Variants in PUDP observed in about 807,000 individuals in gnomAD.
PUDP encodes the protein pseudouridine 5'-phosphatase.
Under a neutral mutation model 9.4 loss-of-function variants are expected in PUDP, and 8 were observed. That is an observed-to-expected ratio of 0.85 (90% CI 0.50 to 1.53). PUDP has a LOEUF of 1.53. Among genes scored for constraint, PUDP ranks in the 40% most tolerant of loss-of-function variants. The probability of loss-of-function intolerance (pLI) is 0.00; values close to 1 mark genes in which losing one functional copy is unlikely to be tolerated. For synonymous variants in PUDP, 99 were observed against 80.7 expected, an observed-to-expected ratio of 1.23 and a Z score of -1.22; for missense variants, 188 against 189.7, an observed-to-expected ratio of 0.99 and a Z score of 0.05.
chrX:6,907,245 T>G (rs1256536908), intron 3 of PUDP, among the ~76,000 whole-genome samples: 1 of 111,443 alleles, frequency 9.0e-6, no homozygotes, highest in Non-Finnish European at 1.9e-5. Flanking sequence ...GCTGCCACCA[T>G]GTGAAGAAGG....
chrX:6,834,851 A>G (rs915803361), intron 3 of PUDP, among the ~76,000 whole-genome samples: 1 of 110,758 alleles, frequency 9.0e-6, no homozygotes, highest in Non-Finnish European at 1.9e-5. Context: ...CCCATTTGTA[A>G]TCAACATTAA....
intron 3 of PUDP, among the ~76,000 whole-genome samples, chrX:6,778,746 G>C (rs1484280229): frequency 8.9e-6 from 1 of 112,249 alleles, no homozygotes; most frequent in African/African-American, 3.2e-5. Flanking sequence ...GATAGAGAGA[G>C]AAAGACCATT....
At chrX:6,740,053 C>T (rs1479858842) in intron 3 of PUDP, among the ~76,000 whole-genome samples, 2 of 111,436 alleles carry the variant, frequency 1.8e-5, no homozygotes, top group East Asian at 5.6e-4. Context: ...TTTTACTATT[C>T]CCTATTCCTT....
In PUDP at chrX:6,741,020, G is replaced by A. The variant is rs188089968; in HGVS notation, c.*248-34554C>T. On this transcript the variant is annotated intron_variant and NMD_transcript_variant, in intron 3 of 3. Transcript: ENST00000655425. ...CTAATAATACAAAAACTACCCGGGC[G>A]TGGTGGGGCACACCTGTAATCTCAG... Among the ~76,000 whole-genome samples, 291 of 110,239 alleles carry A rather than the reference G, an allele frequency of 2.6e-3. 3 individuals carry two copies. The highest frequency in any genetic ancestry group is 9.3e-3 in the African/African-American group (280 of 30,085).
chrX:6,845,812 A>G (rs1926737153), intron 3 of PUDP, among the ~76,000 whole-genome samples: 1 of 112,226 alleles, frequency 8.9e-6, no homozygotes, highest in African/African-American at 3.2e-5. Context: ...ACTACGAGAA[A>G]TACTATAGAA....
chrX:7,120,447 C>T (rs572061113), intron 1 of PUDP, among the ~76,000 whole-genome samples: 1 of 111,476 alleles, frequency 9.0e-6, no homozygotes, highest in South Asian at 3.8e-4. Flanking sequence ...AGGAACACAG[C>T]CCTGCCAATA....
At position 6,779,470 on chromosome X, in the gene PUDP, G is replaced by A. The variant is rs149014958; in HGVS notation, c.*248-73004C>T. 5.1e-3 allele frequency among the ~76,000 whole-genome samples: 574 copies of A among 111,779 alleles called. 10 individuals are homozygous for A. The highest frequency in any genetic ancestry group is 0.04 in the Admixed American group (423 of 10,520). ...AGAGATGGTCATTTTCTGTGCTTGC[G>A]TTGACTCACTTCTACATTCTTGGAC... is the stretch of plus-strand genomic sequence containing the variant. On this transcript the variant is annotated intron_variant and NMD_transcript_variant, in intron 3 of 3. Transcript: ENST00000655425.
chrX:7,134,092 C>T (rs772501121), intron 1 of PUDP, among the ~76,000 whole-genome samples: 16 of 112,070 alleles, frequency 1.4e-4, no homozygotes, highest in South Asian at 3.7e-4. Context: ...AAACCATACT[C>T]GGGGACACAG....
intron 3 of PUDP, among the ~76,000 whole-genome samples, chrX:6,932,635 G>T (rs1206278914): frequency 9.5e-5 from 7 of 73,735 alleles, no homozygotes; most frequent in Non-Finnish European, 2.1e-4. Flanking sequence ...CAGTGGGTGC[G>T]CGCACCGTGC....
At chrX:6,895,803 TG>T (rs2146748631) in intron 3 of PUDP, among the ~76,000 whole-genome samples, 1 of 111,836 alleles carries the variant, frequency 8.9e-6, no homozygotes, top group South Asian at 3.8e-4. Context: ...CTCACAGCTC[TG>T]GAGGCTGGGA....
At chrX:7,136,441 A>G (rs1246571292) in intron 1 of PUDP, among the ~76,000 whole-genome samples, 1 of 111,854 alleles carries the variant, frequency 8.9e-6, no homozygotes, top group Non-Finnish European at 1.9e-5. Context: ...TGATTACTCT[A>G]TGATTTTGGC....
At chrX:7,026,554 T>C (rs1227774599) in intron 1 of PUDP, among the ~76,000 whole-genome samples, 1 of 111,887 alleles carries the variant, frequency 8.9e-6, no homozygotes, top group Admixed American at 9.5e-5. Context: ...TTGTCCATGG[T>C]GCTGAGATTC....
At chrX:6,712,796 C>T (rs1007723226) in intron 1 of PUDP, among the ~76,000 whole-genome samples, 22 of 111,627 alleles carry the variant, frequency 2.0e-4, no homozygotes, top group East Asian at 8.5e-4. Flanking sequence ...GCCTGTAATC[C>T]CAGCACTTTA....
chrX:7,042,191 C>A lies in PUDP; in HGVS notation c.204+35029G>T, dbSNP rs751383189. Among the ~76,000 whole-genome samples, 3 of 109,928 alleles carry A rather than the reference C, an allele frequency of 2.7e-5. No individual in the cohort carries two copies. The East Asian group carries it at 8.6e-4, about 32-fold the overall frequency. On this transcript the variant is annotated intron_variant and NMD_transcript_variant, in intron 1 of 3. Coordinates refer to the PUDP transcript ENST00000655425. ...TTCCTCAAGGCAAAGATTGGCTTACCTTCACAAACTGAGTCTCCAATGACA... is the reference window on the plus strand; with the variant it reads ...TTCCTCAAGGCAAAGATTGGCTTACATTCACAAACTGAGTCTCCAATGACA...
chrX:6,819,259 C>T (rs1158652540), intron 3 of PUDP, among the ~76,000 whole-genome samples: 1 of 111,825 alleles, frequency 8.9e-6, no homozygotes, highest in Non-Finnish European at 1.9e-5. Context: ...TCCATGAAAG[C>T]TTTCTTCTTA....
At position 6,910,206 on chromosome X, in the gene PUDP, G is replaced by A. The variant is rs148077419; in HGVS notation, c.*247+66927C>T. On this transcript the variant is annotated intron_variant and NMD_transcript_variant, in intron 3 of 3. Transcript: ENST00000655425. ...GATGAAGTTTCCCCGTAGCCCCAGG[G>A]AGCAGAACCTTAACTGTGATAAGAA... 2.0e-3 allele frequency among the ~76,000 whole-genome samples: 224 copies of A among 112,069 alleles called. 1 individual carries two copies. The highest frequency in any genetic ancestry group is 3.5e-3 in the Non-Finnish European group (186 of 53,173).
chrX:6,749,349 A>G (rs1404335580), intron 3 of PUDP, among the ~76,000 whole-genome samples: 7 of 111,425 alleles, frequency 6.3e-5, no homozygotes, highest in Non-Finnish European at 1.3e-4. Flanking sequence ...GTGCCTGGTG[A>G]TAGTACAGAG....
intron 1 of PUDP, among the ~76,000 whole-genome samples, chrX:7,132,890 G>A (rs772088451): frequency 1.8e-5 from 2 of 111,967 alleles, no homozygotes; most frequent in East Asian, 2.8e-4. Flanking sequence ...TGATCTCACT[G>A]CAGGTAACCA....
At chrX:6,826,808 C>G (rs919088015) in intron 3 of PUDP, among the ~76,000 whole-genome samples, 1 of 111,914 alleles carries the variant, frequency 8.9e-6, no homozygotes, top group Non-Finnish European at 1.9e-5. Flanking sequence ...CTAAGGTATC[C>G]TCTGTCTTCT....
Sources: gnomAD v4.1 joint callset for allele counts (sites outside exome capture counted in the v4.1 genomes callset) on GRCh38, gnomAD v4.1.1 for gene constraint, MANE v1.5 for transcripts, NCBI Gene and HGNC (gene_info 2026-07-23, HGNC 2026-07-21) for gene names.